Variants in TXNDC11 observed in about 807,000 individuals in gnomAD.
TXNDC11 encodes thioredoxin domain containing 11.
TXNDC11 carries 68 observed loss-of-function variants against 78.0 expected under a neutral mutation model. The ratio of observed to expected loss-of-function variants is 0.87; its 90% confidence interval spans 0.72 to 1.07. The LOEUF (loss-of-function observed/expected upper bound fraction) is 1.07. Among genes scored for constraint, TXNDC11 ranks in the 50% least tolerant of loss-of-function variants. TXNDC11 has a pLI of 0.00. For missense variants in TXNDC11, 1,389 were observed against 1,221.8 expected (o/e 1.14, Z -2.04); for synonymous variants, 571 against 495.2 (o/e 1.15, Z -2.03).
chr16:11,714,460 A>C (rs1247324768), intron 5 of TXNDC11, among the ~76,000 whole-genome samples: 1 of 152,124 alleles, frequency 6.6e-6, no homozygotes, highest in East Asian at 1.9e-4. Flanking sequence ...GAAAACGGTG[A>C]AACCCCGTCT....
Position 11,730,575 on chromosome 16 carries a change from AAAAC to A in TXNDC11, c.699+66_699+69del, listed in dbSNP as rs1242609544. ...AGGAGGTATTTTTTTAAACCCCTTT[AAAAC>A]AAACAATCCAATACAACCCCGTGAA... On this transcript the variant is annotated intron_variant, in intron 4 of 11. Transcript: ENST00000283033. 8 of 1,526,996 alleles carry A rather than the reference AAAAC, an allele frequency of 5.2e-6. No individual in the cohort carries two copies. The African/African-American group carries it at 5.5e-5, about 10-fold the overall frequency. 94.6% of individuals were successfully genotyped at this position (1,526,996 alleles called of 1,614,324 possible). A position where few individuals can be genotyped will look rare whatever the true frequency, so the allele number is the denominator to read the frequency against.
At chr16:11,720,416 ATTT>A (rs35998980) in intron 5 of TXNDC11, among the ~76,000 whole-genome samples, 2 of 140,698 alleles carry the variant, frequency 1.4e-5, no homozygotes, top group Non-Finnish European at 3.1e-5. Context: ...TGATGTAATA[ATTT>A]TTTTTTTTTT....
chr16:11,709,414 ATTTTTTGTATTTTTTTT>A (rs1249054277), intron 5 of TXNDC11, among the ~76,000 whole-genome samples: 174 of 130,722 alleles, frequency 1.3e-3, no homozygotes, highest in African/African-American at 4.9e-3. Flanking sequence ...TGCGTAGCTA[ATTTTTTGTATTTTTTTT>A]TTTTTTTTTT....
chr16:11,709,628 G>C (rs944159486), intron 5 of TXNDC11, among the ~76,000 whole-genome samples: 2 of 151,326 alleles, frequency 1.3e-5, no homozygotes, highest in African/African-American at 4.9e-5. Context: ...GTAGAGACGG[G>C]GTTTCACCAT....
At chr16:11,723,203 A>T (rs1024218453) in intron 4 of TXNDC11, among the ~76,000 whole-genome samples, 1 of 151,894 alleles carries the variant, frequency 6.6e-6, no homozygotes, top group African/African-American at 2.4e-5. Context: ...GGCTGCAGTG[A>T]GCTGAGATCA....
At chr16:11,696,074 T>C (rs1271186349) in intron 7 of TXNDC11, among the ~76,000 whole-genome samples, 4 of 150,794 alleles carry the variant, frequency 2.7e-5, no homozygotes, top group Admixed American at 2.0e-4. Flanking sequence ...ATGGTTAATC[T>C]TGAAATCCTC....
intron 4 of TXNDC11, among the ~76,000 whole-genome samples, chr16:11,728,046 G>A (rs1264188392): frequency 1.3e-5 from 2 of 152,156 alleles, no homozygotes; most frequent in Admixed American, 6.5e-5. Context: ...GACCTCCAAC[G>A]TCAACTGCGC....
At chr16:11,696,697 G>T (rs1432812228) in intron 7 of TXNDC11, among the ~76,000 whole-genome samples, 2 of 152,152 alleles carry the variant, frequency 1.3e-5, no homozygotes, top group African/African-American at 4.8e-5. Context: ...CCAAAGAAAG[G>T]AGTCACAGGC....
Position 11,736,133 on chromosome 16 carries a change from C to G in TXNDC11, c.355G>C (p.Glu119Gln), listed in dbSNP as rs1423799803. Residue 119 changes from glutamate (E) to glutamine (Q), a missense_variant, in exon 2 of 12, where the codon GAG becomes CAG. Coordinates refer to ENST00000283033, the MANE Select transcript of TXNDC11 (RefSeq NM_015914.7). The stretch of plus-strand genomic sequence containing the variant: ...ACCTCTGAATCCCGTCGAACGTACT[C>G]TGCATAATCCAGCTGCCCCTGGAAG... ...DLFQGQLDYA[E>Q]YVRRDSEVVL... The G allele has an allele frequency of 6.2e-7, 1 of 1,614,188 alleles. No individual in the cohort carries two copies. The highest frequency in any genetic ancestry group is 1.1e-5 in the South Asian group (1 of 91,084).
intron 2 of TXNDC11, among the ~76,000 whole-genome samples, 194 bp downstream of exon 2, chr16:11,735,823 A>C (rs908187789): frequency 5.9e-5 from 9 of 152,146 alleles, no homozygotes; most frequent in Non-Finnish European, 1.2e-4. Context: ...CTGCTCCCAC[A>C]CTTGCCTTGG....
intron 5 of TXNDC11, among the ~76,000 whole-genome samples, chr16:11,706,901 A>T (rs572443062): frequency 9.9e-5 from 15 of 152,252 alleles, no homozygotes; most frequent in African/African-American, 3.6e-4. Flanking sequence ...ACTTACATGC[A>T]TATTTTTTTT....
intron 4 of TXNDC11, among the ~76,000 whole-genome samples, chr16:11,727,906 C>G (rs972863383): frequency 6.6e-6 from 1 of 152,116 alleles, no homozygotes; most frequent in Non-Finnish European, 1.5e-5. Context: ...TTGGCAAGGT[C>G]TGCAGATATT....
chr16:11,681,442 C>T (rs2050422807), intron 11 of TXNDC11, among the ~76,000 whole-genome samples: 1 of 152,222 alleles, frequency 6.6e-6, no homozygotes, highest in Non-Finnish European at 1.5e-5. Flanking sequence ...ATCAATGTCC[C>T]TAATGGGCAC....
At chr16:11,705,204 T>G (rs1423651002) in intron 5 of TXNDC11, among the ~76,000 whole-genome samples, 1 of 152,184 alleles carries the variant, frequency 6.6e-6, no homozygotes, top group Non-Finnish European at 1.5e-5. Context: ...AACTCTAACA[T>G]TGACTTCTTA....
intron 2 of TXNDC11, 37 bp downstream of exon 2, chr16:11,735,980 A>G: frequency 6.3e-7 from 1 of 1,598,874 alleles, no homozygotes; most frequent in Non-Finnish European, 8.6e-7. Context: ...TATAGGACTG[A>G]CAGTCATTTG....
intron 1 of TXNDC11, among the ~76,000 whole-genome samples, chr16:11,736,758 A>T (rs983320006): frequency 6.6e-6 from 1 of 152,232 alleles, no homozygotes; most frequent in African/African-American, 2.4e-5. Context: ...CAATTAAACA[A>T]TAATATACAT....
intron 5 of TXNDC11, among the ~76,000 whole-genome samples, chr16:11,715,323 T>C (rs1186987237): frequency 6.6e-6 from 1 of 152,164 alleles, no homozygotes; most frequent in Non-Finnish European, 1.5e-5. Context: ...AAAAAATTGT[T>C]GTAACTTGCT....
intron 11 of TXNDC11, among the ~76,000 whole-genome samples, chr16:11,683,790 C>G (rs1361537783): frequency 1.4e-5 from 2 of 141,904 alleles, no homozygotes; most frequent in African/African-American, 5.4e-5. Flanking sequence ...CTCGCTCTGT[C>G]ACCCAGGTTG....
intron 10 of TXNDC11, among the ~76,000 whole-genome samples, chr16:11,685,648 CAA>C (rs1375804851): frequency 7.0e-6 from 1 of 142,126 alleles, no homozygotes; most frequent in Admixed American, 7.2e-5. Flanking sequence ...GACTCCATCT[CAA>C]AAAAAAAAAC....
Sources: allele counts gnomAD v4.1 joint callset (sites outside exome capture counted in the v4.1 genomes callset), GRCh38; gene constraint gnomAD v4.1.1; transcripts MANE v1.5; gene names NCBI Gene and HGNC (gene_info 2026-07-23, HGNC 2026-07-21).